The following SUSD6 variants were observed in gnomAD, a reference collection of about 807,000 sequenced individuals.
The protein encoded by SUSD6 is sushi domain containing 6, also known as sushi domain-containing protein 6.
A neutral mutation model predicts 28.4 loss-of-function variants in SUSD6; 16 were observed. The ratio of observed to expected loss-of-function variants is 0.56; its 90% CI spans 0.38 to 0.86. The LOEUF (loss-of-function observed/expected upper bound fraction) is 0.86, where lower values mean the gene tolerates loss of function less well. Ranked by LOEUF, SUSD6 falls within the 40% of genes least tolerant of loss-of-function variation. SUSD6 has a pLI of 0.00. For missense variants in SUSD6, 341 were observed against 384.2 expected (o/e 0.89, Z 0.94); for synonymous variants, 147 against 159.6 (o/e 0.92, Z 0.59).
intron 2 of SUSD6, among the ~76,000 whole-genome samples, chr14:69,669,888 G>A (rs1476906558): frequency 5.9e-5 from 9 of 151,998 alleles, no homozygotes; most frequent in Non-Finnish European, 4.4e-5. Context: ...GTTTTCCTAG[G>A]AGCAGGATTC....
At chr14:69,627,651 A>C (rs1439774519) in intron 1 of SUSD6, among the ~76,000 whole-genome samples, 1 of 151,886 alleles carries the variant, frequency 6.6e-6, no homozygotes, top group Non-Finnish European at 1.5e-5. Context: ...TTTTTAGTAG[A>C]GATGGGGTTT....
chr14:69,664,703 G>A lies in SUSD6; in HGVS notation c.121+5990G>A, dbSNP rs186102630. ...CTAATAAAAGAAACCCAGAGTCCACGTAACTGGGTCCCTATTGGGTTAAAG... is the reference window on the plus strand; with the variant it reads ...CTAATAAAAGAAACCCAGAGTCCACATAACTGGGTCCCTATTGGGTTAAAG... On this transcript the variant is annotated intron_variant, in intron 2 of 5. Transcript: ENST00000342745. Among the ~76,000 whole-genome samples the A allele has an allele frequency of 3.3e-5, 5 of 152,278 alleles. No individual in the cohort carries two copies. The East Asian group carries it at 7.7e-4, about 24-fold the overall frequency.
At chr14:69,615,078 A>G (rs1380426924) in intron 1 of SUSD6, among the ~76,000 whole-genome samples, 1 of 152,246 alleles carries the variant, frequency 6.6e-6, no homozygotes, top group Admixed American at 6.5e-5. Context: ...GAAGGAGCCA[A>G]TAGAGGAGGG....
At chr14:69,673,393 A>C (rs145748070) in intron 2 of SUSD6, among the ~76,000 whole-genome samples, 67 of 152,300 alleles carry the variant, frequency 4.4e-4, no homozygotes, top group African/African-American at 1.6e-3. Flanking sequence ...TCTGAAGACC[A>C]AACTTTGAGA....
intron 1 of SUSD6, among the ~76,000 whole-genome samples, chr14:69,641,408 A>G (rs1885351041): frequency 1.3e-5 from 2 of 151,860 alleles, no homozygotes; most frequent in South Asian, 4.2e-4. Context: ...GATATATCCT[A>G]CAGTTCAGTG....
chr14:69,708,584 C>A, intron 4 of SUSD6, 93 bp from the exon 5 acceptor site: 1 of 1,117,978 alleles, frequency 8.9e-7, no homozygotes, highest in Non-Finnish European at 1.3e-6. Context: ...AGTAAGTGCT[C>A]AAAAATGGTG....
chr14:69,703,516 G>A lies in SUSD6; in HGVS notation c.243G>A (p.Lys81=). Residue 81 remains lysine (K), a synonymous_variant, in exon 3 of 6, where the codon AAG becomes AAA. Coordinates refer to ENST00000342745, the MANE Select transcript of SUSD6 (RefSeq NM_014734.4). ...EYLCAEGYML[K]GDYKYLTCKN... is the part of the protein sequence containing the mutation. The stretch of plus-strand genomic sequence containing the variant: ...TGTGTGCTGAAGGCTACATGTTGAA[G>A]GGCGATTACAAATACCTGACGTGTA... The A allele has an allele frequency of 6.2e-7, 1 of 1,614,208 alleles. No individual in the cohort carries two copies. Among genetic ancestry groups the A allele is most frequent in the Non-Finnish European group, 8.5e-7 (1 of 1,180,032 alleles).
intron 2 of SUSD6, among the ~76,000 whole-genome samples, chr14:69,663,813 AG>A (rs1885697492): frequency 6.6e-6 from 1 of 152,270 alleles, no homozygotes; most frequent in African/African-American, 2.4e-5. Context: ...GCTGAGTGAC[AG>A]GCTTCACTGA....
intron 2 of SUSD6, among the ~76,000 whole-genome samples, chr14:69,699,398 T>G (rs148951997): frequency 6.4e-4 from 97 of 152,222 alleles, no homozygotes; most frequent in African/African-American, 2.2e-3. Context: ...GAGATGGGGA[T>G]TCACCGTGTT....
At chr14:69,705,048 G>A (rs188770018) in intron 4 of SUSD6, among the ~76,000 whole-genome samples, 244 of 152,280 alleles carry the variant, frequency 1.6e-3, no homozygotes, top group African/African-American at 5.8e-3. Flanking sequence ...GCGCGCGGTG[G>A]CTCATGCCTG....
chr14:69,690,507 G>A (rs1407687498), intron 2 of SUSD6, among the ~76,000 whole-genome samples: 1 of 152,188 alleles, frequency 6.6e-6, no homozygotes, highest in Non-Finnish European at 1.5e-5. Context: ...GCTTGTAAGA[G>A]GAGCAGAGGG....
chr14:69,672,836 G>A (rs1885853702), intron 2 of SUSD6, among the ~76,000 whole-genome samples: 1 of 152,232 alleles, frequency 6.6e-6, no homozygotes, highest in Admixed American at 6.5e-5. Context: ...AGGTGCATTG[G>A]TCCACCTGTG....
At chr14:69,640,846 T>C (rs1262843572) in intron 1 of SUSD6, among the ~76,000 whole-genome samples, 3 of 152,260 alleles carry the variant, frequency 2.0e-5, no homozygotes, top group African/African-American at 7.2e-5. Flanking sequence ...TGATTATTGC[T>C]GTAAGACTGG....
chr14:69,681,551 G>A (rs577416830), intron 2 of SUSD6, among the ~76,000 whole-genome samples: 11 of 152,284 alleles, frequency 7.2e-5, no homozygotes, highest in African/African-American at 2.2e-4. Flanking sequence ...AGAAGGGGAC[G>A]GCCCCGTAGG....
chr14:69,695,375 G>C (rs759811945), intron 2 of SUSD6, among the ~76,000 whole-genome samples: 1 of 152,206 alleles, frequency 6.6e-6, no homozygotes, highest in African/African-American at 2.4e-5. Context: ...CTCACACCTT[G>C]TGCTGTATCC....
intron 4 of SUSD6, among the ~76,000 whole-genome samples, chr14:69,707,860 T>C (rs1451348746): frequency 5.9e-5 from 9 of 152,222 alleles, no homozygotes; most frequent in Non-Finnish European, 1.2e-4. Context: ...AAGAAATGAT[T>C]TTCCTGAAAG....
chr14:69,695,264 G>C (rs918021374), intron 2 of SUSD6, among the ~76,000 whole-genome samples: 3 of 152,198 alleles, frequency 2.0e-5, no homozygotes, highest in Non-Finnish European at 4.4e-5. Context: ...TATCTCTTAA[G>C]TAGTGGGACT....
At chr14:69,685,988 G>A (rs1886067463) in intron 2 of SUSD6, among the ~76,000 whole-genome samples, 1 of 152,220 alleles carries the variant, frequency 6.6e-6, no homozygotes, top group South Asian at 2.1e-4. Flanking sequence ...CTGTGCAGCC[G>A]CATGTGCTGC....
chr14:69,660,489 G>T (rs1414372857), intron 2 of SUSD6, among the ~76,000 whole-genome samples: 1 of 152,194 alleles, frequency 6.6e-6, no homozygotes, highest in Non-Finnish European at 1.5e-5. Context: ...AGGAAGAGAA[G>T]ACCAGGCTAT....
Sources: gnomAD v4.1 joint callset for allele counts (sites outside exome capture counted in the v4.1 genomes callset) on GRCh38, gnomAD v4.1.1 for gene constraint, MANE v1.5 for transcripts, NCBI Gene and HGNC (gene_info 2026-07-23, HGNC 2026-07-21) for gene names.